Variants in TTLL7 observed in about 807,000 individuals in gnomAD.
The protein encoded by TTLL7 is tubulin polyglutamylase TTLL7.
TTLL7 carries 53 observed loss-of-function variants against 120.2 expected under a neutral mutation model. The ratio of observed to expected loss-of-function variants is 0.44; its 90% CI spans 0.35 to 0.55. The LOEUF is 0.55. Among genes scored for constraint, TTLL7 ranks in the 20% least tolerant of loss-of-function variants. The pLI, the probability that TTLL7 is intolerant of heterozygous loss-of-function variation, is 0.00. For missense variants in TTLL7, 803 were observed against 1,054.7 expected (o/e 0.76, Z 3.31); for synonymous variants, 353 against 351.7 (o/e 1.00, Z -0.04).
At chr1:83,917,234 A>T (rs1195067209) in intron 14 of TTLL7, among the ~76,000 whole-genome samples, 3 of 152,270 alleles carry the variant, frequency 2.0e-5, no homozygotes, top group African/African-American at 4.8e-5. Context: ...GCTTCTAATT[A>T]GGGTCTCTAG....
In TTLL7 at chr1:83,865,785, G is replaced by T. The variant is rs1048869580; in HGVS notation, c.*4177C>A. ...AGGCAAAATCACACCACCATAAAAT[G>T]CAAGGAAAACCAATGTTTAAAAGGC... is the stretch of plus-strand genomic sequence containing the variant. On this transcript the variant is annotated 3_prime_UTR_variant, in exon 21 of 21. Coordinates refer to ENST00000260505, the MANE Select transcript of TTLL7 (RefSeq NM_024686.6). The T allele has an allele frequency of 3.3e-5, 5 of 151,878 alleles. No homozygotes were observed. Among genetic ancestry groups the T allele is most frequent in the African/African-American group, 1.2e-4 (5 of 41,418 alleles). The allele number at this position is 151,878 out of a possible 1,614,324, so 9.4% of individuals were successfully genotyped here.
chr1:83,914,069 G>GT (rs994013258), intron 14 of TTLL7, among the ~76,000 whole-genome samples: 2 of 152,156 alleles, frequency 1.3e-5, no homozygotes, highest in African/African-American at 4.8e-5. Context: ...TCCAAAGGAA[G>GT]TATCAATGAC....
chr1:83,951,328 G>A (rs570864888), intron 3 of TTLL7, among the ~76,000 whole-genome samples: 3 of 150,566 alleles, frequency 2.0e-5, no homozygotes, highest in Non-Finnish European at 3.0e-5. Flanking sequence ...CAGCCTGGGC[G>A]ACAGAAACTC....
intron 17 of TTLL7, among the ~76,000 whole-genome samples, chr1:83,904,913 C>A (rs1407512775): frequency 1.3e-5 from 2 of 152,044 alleles, no homozygotes; most frequent in East Asian, 1.9e-4. Context: ...AGTGAACACA[C>A]AATAAACAAT....
chr1:83,951,241 C>T (rs946249882), intron 3 of TTLL7, among the ~76,000 whole-genome samples: 2 of 151,596 alleles, frequency 1.3e-5, no homozygotes, highest in Non-Finnish European at 2.9e-5. Flanking sequence ...CCCAGCTACT[C>T]GCGAAACTGA....
intron 1 of TTLL7, among the ~76,000 whole-genome samples, chr1:83,972,172 T>C (rs182695217): frequency 6.6e-6 from 1 of 152,088 alleles, no homozygotes; most frequent in Non-Finnish European, 1.5e-5. Context: ...GTGTTGTACA[T>C]TCTATGGGTT....
At chr1:83,919,887 A>G in intron 12 of TTLL7, 53 bp from the exon 13 acceptor site, 7 of 1,552,780 alleles carry the variant, frequency 4.5e-6, no homozygotes, top group Non-Finnish European at 6.2e-6. Context: ...TCGTAGCTCA[A>G]TAGTTAACAT....
intron 1 of TTLL7, among the ~76,000 whole-genome samples, chr1:83,978,351 A>C (rs1196776314): frequency 5.9e-5 from 9 of 152,158 alleles, no homozygotes; most frequent in Non-Finnish European, 1.2e-4. Context: ...AGAAACCACT[A>C]ATTAGAGGAA....
intron 5 of TTLL7, chr1:83,947,483 G>T: frequency 7.0e-6 from 3 of 427,892 alleles, no homozygotes; most frequent in South Asian, 4.1e-5. Context: ...GGATTCATCA[G>T]TGAAAAAAAA....
chr1:83,931,780 A>G (rs1282766041), intron 9 of TTLL7, among the ~76,000 whole-genome samples: 1 of 152,176 alleles, frequency 6.6e-6, no homozygotes, highest in Non-Finnish European at 1.5e-5. Flanking sequence ...TTCTGCCACT[A>G]GCAATCAGTC....
chr1:83,926,238 G>C (rs1179399748), intron 10 of TTLL7, among the ~76,000 whole-genome samples: 1 of 152,072 alleles, frequency 6.6e-6, no homozygotes, highest in African/African-American at 2.4e-5. Flanking sequence ...GATCGAAGGA[G>C]AAAATAATTC....
chr1:83,923,646 C>T (rs1046218953), intron 10 of TTLL7, among the ~76,000 whole-genome samples: 3 of 152,072 alleles, frequency 2.0e-5, no homozygotes, highest in African/African-American at 4.8e-5. Flanking sequence ...TATAAAGGAA[C>T]GTTCCCACTT....
chr1:83,966,699 T>A (rs527788892), intron 1 of TTLL7, among the ~76,000 whole-genome samples: 1 of 152,226 alleles, frequency 6.6e-6, no homozygotes, highest in African/African-American at 2.4e-5. Flanking sequence ...CCATCATATT[T>A]CTTTGGTTCT....
At position 83,906,338 on chromosome 1, in the gene TTLL7, C is replaced by G. The variant is rs1388590788; in HGVS notation, c.2118G>C (p.Leu706=). The part of the protein sequence containing the change: ...PGKSDAESEL[L]IEDIIDNWKY... ...TACATCACATACTCACATCTTCTAT[C>G]AGAAGTTCTGATTCTGCATCTGACT... is the stretch of plus-strand genomic sequence containing the variant. The change falls in exon 17 of 21, where the codon CTG becomes CTC. Residue 706 remains leucine (L), a synonymous_variant. Transcript: ENST00000260505. The G allele has an allele frequency of 3.1e-6, 5 of 1,611,942 alleles. No homozygotes were observed. Among genetic ancestry groups the G allele is most frequent in the Non-Finnish European group, 4.2e-6 (5 of 1,178,694 alleles).
intron 8 of TTLL7, among the ~76,000 whole-genome samples, chr1:83,934,469 GT>G (rs1377605075): frequency 6.6e-6 from 1 of 152,112 alleles, no homozygotes; most frequent in African/African-American, 2.4e-5. Context: ...TGAGAGTTGA[GT>G]TTCTTTATTC....
At chr1:83,994,084 TTCTGCCTAAAATAC>T (rs1170214454) in intron 1 of TTLL7, among the ~76,000 whole-genome samples, 1 of 152,198 alleles carries the variant, frequency 6.6e-6, no homozygotes, top group East Asian at 1.9e-4. Flanking sequence ...ACAGGACAAA[TTCTGCCTAAAATAC>T]TCTGCCTATG....
intron 1 of TTLL7, among the ~76,000 whole-genome samples, chr1:83,957,914 CTA>C (rs1194278849): frequency 1.3e-5 from 2 of 152,176 alleles, no homozygotes; most frequent in Non-Finnish European, 2.9e-5. Flanking sequence ...AAATAAATAT[CTA>C]TTGTTTAAGC....
At chr1:83,975,512 A>G (rs868078813) in intron 1 of TTLL7, among the ~76,000 whole-genome samples, 2 of 152,038 alleles carry the variant, frequency 1.3e-5, no homozygotes, top group Non-Finnish European at 2.9e-5. Flanking sequence ...CAGATGTGTT[A>G]TTTCATTTAG....
chr1:83,927,929 T>G (rs1393103011), intron 10 of TTLL7, among the ~76,000 whole-genome samples: 1 of 152,194 alleles, frequency 6.6e-6, no homozygotes, highest in Non-Finnish European at 1.5e-5. Flanking sequence ...TTCTGAAGCA[T>G]AAGCCTCATT....
Sources: gnomAD v4.1 joint callset for allele counts (sites outside exome capture counted in the v4.1 genomes callset) on GRCh38, gnomAD v4.1.1 for gene constraint, MANE v1.5 for transcripts, NCBI Gene and HGNC (gene_info 2026-07-23, HGNC 2026-07-21) for gene names.